The following PTTG1IP2 variants were observed in gnomAD, a reference collection of about 807,000 sequenced individuals.
The protein encoded by PTTG1IP2 is PTTG1IP family member 2.
rs144907444 is a variant in PTTG1IP2, at chr7:90,472,279, AACACACACACAC to A, written c.145+2379_145+2390del. Among the ~76,000 whole-genome samples the A allele has an allele frequency of 9.0e-3, 1,246 of 138,048 alleles. 17 individuals are homozygous for A. Among genetic ancestry groups the A allele is most frequent in the East Asian group, 0.048 (199 of 4,108 alleles). The allele number at this position is 138,048 out of a possible 152,430, so 90.6% of individuals were successfully genotyped here. ...ATAAAGGAGTATACGATAGCATGCA[AACACACACACAC>A]ACACACACACACACACACACACACA... On this transcript the variant is annotated intron_variant, in intron 1 of 6. Transcript: ENST00000509356.
intron 6 of PTTG1IP2, among the ~76,000 whole-genome samples, chr7:90,504,878 T>A (rs1423528048): frequency 6.6e-6 from 1 of 152,248 alleles, no homozygotes; most frequent in Admixed American, 6.5e-5. Context: ...ATGCTTGACA[T>A]TTATATTCTT....
chr7:90,472,545 ATTTG>A (rs894190473), intron 1 of PTTG1IP2, among the ~76,000 whole-genome samples: 2 of 152,216 alleles, frequency 1.3e-5, no homozygotes, highest in African/African-American at 4.8e-5. Context: ...TTCTCTCTTC[ATTTG>A]TTTATTTCTG....
intron 6 of PTTG1IP2, among the ~76,000 whole-genome samples, chr7:90,508,450 G>T (rs1282970326): frequency 1.3e-5 from 2 of 152,066 alleles, no homozygotes; most frequent in African/African-American, 4.8e-5. Context: ...CAGGCAGATT[G>T]GAGCTGCTAG....
At chr7:90,505,040 A>T (rs1275201535) in intron 6 of PTTG1IP2, among the ~76,000 whole-genome samples, 1 of 152,172 alleles carries the variant, frequency 6.6e-6, no homozygotes, top group Admixed American at 6.5e-5. Flanking sequence ...AAAGGAAAAG[A>T]TTTGACTTCT....
intron 6 of PTTG1IP2, among the ~76,000 whole-genome samples, chr7:90,512,665 A>T (rs969761043): frequency 7.2e-5 from 11 of 152,238 alleles, no homozygotes; most frequent in Non-Finnish European, 1.2e-4. Flanking sequence ...TTGGAAGTAG[A>T]CATTTGAGAT....
intron 1 of PTTG1IP2, among the ~76,000 whole-genome samples, chr7:90,473,949 A>G (rs1464927785): frequency 6.6e-6 from 1 of 152,252 alleles, no homozygotes; most frequent in Admixed American, 6.5e-5. Flanking sequence ...ATGCACTCAG[A>G]ACATTTTCTA....
chr7:90,499,610 G>T (rs372870279), intron 6 of PTTG1IP2, among the ~76,000 whole-genome samples: 1 of 152,012 alleles, frequency 6.6e-6, no homozygotes, highest in Non-Finnish European at 1.5e-5. Context: ...TTGAGACAGA[G>T]TCTTGCTCTG....
intron 2 of PTTG1IP2, among the ~76,000 whole-genome samples, chr7:90,486,200 T>G (rs1246723338): frequency 6.6e-6 from 1 of 152,286 alleles, no homozygotes; most frequent in East Asian, 1.9e-4. Context: ...GGGTTCAATC[T>G]TACAGGATTG....
intron 1 of PTTG1IP2, among the ~76,000 whole-genome samples, chr7:90,470,987 A>G (rs978745050): frequency 2.0e-5 from 3 of 151,802 alleles, no homozygotes; most frequent in Non-Finnish European, 1.5e-5. Context: ...AAAAGAAAAA[A>G]GAAAGAAAAC....
chr7:90,475,167 G>C (rs992397701), intron 1 of PTTG1IP2, among the ~76,000 whole-genome samples: 1 of 152,220 alleles, frequency 6.6e-6, no homozygotes, highest in Admixed American at 6.5e-5. Context: ...CCAGGACTAA[G>C]AGCTTATGAA....
intron 6 of PTTG1IP2, among the ~76,000 whole-genome samples, chr7:90,508,474 C>T (rs1184797863): frequency 9.2e-5 from 14 of 151,944 alleles, no homozygotes; most frequent in Non-Finnish European, 1.9e-4. Flanking sequence ...AGGAAATTTT[C>T]AGGGGAGGAC....
chr7:90,474,310 T>C (rs745328018), intron 1 of PTTG1IP2, among the ~76,000 whole-genome samples: 37 of 152,212 alleles, frequency 2.4e-4, no homozygotes, highest in Admixed American at 1.3e-4. Flanking sequence ...TTGACCAAGA[T>C]ATAGTTATGC....
chr7:90,510,266 C>T (rs768118699), intron 6 of PTTG1IP2, among the ~76,000 whole-genome samples: 2 of 152,014 alleles, frequency 1.3e-5, no homozygotes, highest in Non-Finnish European at 2.9e-5. Flanking sequence ...TAGTTTATCA[C>T]ACATATTTAC....
intron 6 of PTTG1IP2, among the ~76,000 whole-genome samples, chr7:90,497,563 CAAA>C (rs758753541): frequency 6.8e-5 from 3 of 44,404 alleles, no homozygotes; most frequent in Non-Finnish European, 4.9e-5. Flanking sequence ...GAATCCGTCT[CAAA>C]AAAAAAAAAA....
At chr7:90,508,095 C>CA (rs1798144028) in intron 6 of PTTG1IP2, among the ~76,000 whole-genome samples, 1 of 146,374 alleles carries the variant, frequency 6.8e-6, no homozygotes. Flanking sequence ...CTGTCTCTAC[C>CA]AAAAAAATAC....
intron 1 of PTTG1IP2, among the ~76,000 whole-genome samples, chr7:90,477,259 A>G (rs1176840067): frequency 6.6e-6 from 1 of 152,218 alleles, no homozygotes; most frequent in African/African-American, 2.4e-5. Flanking sequence ...AAATAGCTAG[A>G]ACCTCGTTCT....
chr7:90,469,863 G>C lies in PTTG1IP2; in HGVS notation c.77G>C (p.Ser26Thr), dbSNP rs965972773. ...CTCTTTCTCATCCAATTGCTTATCA[G>C]CTTCTCAGAGAATGGTTTTATCCAC... is the stretch of plus-strand genomic sequence containing the variant. Reference protein sequence around the residue: ...LSLFLIQLLISFSENGFIHSP... With the variant: ...LSLFLIQLLITFSENGFIHSP... Residue 26 changes from serine (S) to threonine (T), a missense_variant, in exon 1 of 7, where the codon AGC becomes ACC. By Grantham distance (58) the Ser-to-Thr change is moderately conservative (BLOSUM62 1). Coordinates refer to ENST00000509356, the MANE Select transcript of PTTG1IP2 (RefSeq NM_001365443.2). The C allele has an allele frequency of 1.3e-5, 2 of 152,804 alleles. No homozygotes were observed. Among genetic ancestry groups the C allele is most frequent in the African/African-American group, 4.8e-5 (2 of 41,438 alleles). 9.5% of individuals were successfully genotyped at this position (152,804 alleles called of 1,614,324 possible). A position where few individuals can be genotyped will look rare whatever the true frequency, so the allele number is the denominator to read the frequency against.
At chr7:90,490,173 C>T (rs1362726274) in intron 4 of PTTG1IP2, among the ~76,000 whole-genome samples, 1 of 151,626 alleles carries the variant, frequency 6.6e-6, no homozygotes, top group Non-Finnish European at 1.5e-5. Context: ...GGTGGAGTAC[C>T]TCCTCAAGTA....
intron 1 of PTTG1IP2, among the ~76,000 whole-genome samples, chr7:90,472,084 G>A (rs958962810): frequency 1.3e-5 from 2 of 151,930 alleles, no homozygotes; most frequent in Non-Finnish European, 2.9e-5. Flanking sequence ...AACATAAAAT[G>A]CCATAAAACT....
Sources: gnomAD v4.1 joint callset for allele counts (sites outside exome capture counted in the v4.1 genomes callset) on GRCh38, gnomAD v4.1.1 for gene constraint, MANE v1.5 for transcripts, NCBI Gene and HGNC (gene_info 2026-07-23, HGNC 2026-07-21) for gene names.